Variants in SOCS2 observed in about 807,000 individuals in gnomAD.
SOCS2 encodes suppressor of cytokine signaling 2.
A neutral mutation model predicts 18.6 loss-of-function variants in SOCS2; 10 were observed. The ratio of observed to expected loss-of-function variants is 0.54; its 90% CI spans 0.33 to 0.91. SOCS2 has a LOEUF of 0.91. Ranked by LOEUF, SOCS2 falls within the 40% of genes least tolerant of loss-of-function variation. The pLI, the probability that SOCS2 is intolerant of heterozygous loss-of-function variation, is 0.02. For missense variants in SOCS2, 231 were observed against 247.2 expected (o/e 0.93, Z 0.44); for synonymous variants, 104 against 104.0 (o/e 1.00, Z 0.00).
At chr12:93,572,297 T>C, upstream of SOCS2, 1 of 183,016 alleles carries the variant, frequency 5.5e-6, no homozygotes, top group Non-Finnish European at 1.1e-5. This position sits in a 1 kb window ranked among gnomAD's most constrained non-coding sequence, Gnocchi z 5.0. Context: ...AATGCCAATT[T>C]GGGGAATCTC....
chr12:93,574,735 A>G lies in SOCS2; in HGVS notation c.153A>G (p.Gly51=), dbSNP rs771691402. ...CAAAAACCCCAGGATGGTACTGGGG[A>G]AGTATGACTGTTAATGAAGCCAAAG... The part of the protein sequence containing the change: ...RELGQTGWYW[G]SMTVNEAKEK... Residue 51 remains glycine (G), a synonymous_variant, in exon 2 of 2, where the codon GGA becomes GGG. Transcript: ENST00000551556. 3 of 1,611,182 alleles carry G rather than the reference A, an allele frequency of 1.9e-6. No individual in the cohort carries two copies. Among genetic ancestry groups the G allele is most frequent in the Non-Finnish European group, 2.5e-6 (3 of 1,178,550 alleles).
chr12:93,610,083 C>T, the SOCS2 span, among the ~76,000 whole-genome samples: 38,156 of 152,126 alleles, frequency 0.25, 9,292 homozygotes, highest in African/African-American at 0.63. Context: ...CCAACACAGT[C>T]GCACTGAGGA....
the SOCS2 span, among the ~76,000 whole-genome samples, chr12:93,618,356 GT>G: frequency 6.6e-6 from 1 of 152,172 alleles, no homozygotes; most frequent in Non-Finnish European, 1.5e-5. Flanking sequence ...GAAGATGATA[GT>G]TTTTAAATAT....
At chr12:93,621,655 T>A in the SOCS2 span, among the ~76,000 whole-genome samples, 1,172 of 149,964 alleles carry the variant, frequency 7.8e-3, 15 homozygotes, top group African/African-American at 0.027. Context: ...TAAAAAAAAA[T>A]TTTTTTTTTG....
At chr12:93,585,363 T>G (rs1238329018), downstream of SOCS2, among the ~76,000 whole-genome samples, 1 of 152,176 alleles carries the variant, frequency 6.6e-6, no homozygotes, top group Non-Finnish European at 1.5e-5. Context: ...GGTGCTGAGC[T>G]GATGGGCAAG....
chr12:93,614,535 C>T, the SOCS2 span, among the ~76,000 whole-genome samples: 56 of 88,372 alleles, frequency 6.3e-4, 1 homozygote, highest in African/African-American at 2.1e-3. Context: ...TTCCTTCCTT[C>T]CTTCCTTCTT....
At chr12:93,572,470 C>T (rs376033942), upstream of SOCS2, 44 of 365,820 alleles carry the variant, frequency 1.2e-4, no homozygotes, top group South Asian at 9.1e-4. This position sits in a 1 kb window ranked among gnomAD's most constrained non-coding sequence, Gnocchi z 5.0. Flanking sequence ...TGACCTCCGC[C>T]CCCCACCTCT....
chr12:93,595,036 A>AC, the SOCS2 span, among the ~76,000 whole-genome samples: 27 of 152,276 alleles, frequency 1.8e-4, no homozygotes, highest in Admixed American at 5.2e-4. Context: ...TGGGTATTAC[A>AC]CTTAGATTTA....
the SOCS2 span, among the ~76,000 whole-genome samples, chr12:93,602,164 C>T: frequency 0.011 from 1,623 of 152,320 alleles, 20 homozygotes; most frequent in South Asian, 0.046. Context: ...GCGATCACAG[C>T]TGCCTGAAGC....
chr12:93,611,394 C>T, the SOCS2 span, among the ~76,000 whole-genome samples: 9 of 152,138 alleles, frequency 5.9e-5, no homozygotes, highest in South Asian at 6.2e-4. Flanking sequence ...TGTGCCACCA[C>T]GCCCGGCTAA....
At chr12:93,625,107 C>T in the SOCS2 span, among the ~76,000 whole-genome samples, 1 of 152,180 alleles carries the variant, frequency 6.6e-6, no homozygotes, top group East Asian at 1.9e-4. Context: ...TTCGCATTTG[C>T]TCTTACTGGT....
At chr12:93,614,532 CTTCCTTCCTTCT>C in the SOCS2 span, among the ~76,000 whole-genome samples, 1 of 74,748 alleles carries the variant, frequency 1.3e-5, no homozygotes, top group Non-Finnish European at 2.2e-5. Flanking sequence ...TCCTTCCTTC[CTTCCTTCCTTCT>C]TTCTTTCTTT....
the SOCS2 span, among the ~76,000 whole-genome samples, chr12:93,597,274 TCCTAAC>T: frequency 6.6e-6 from 1 of 152,196 alleles, no homozygotes; most frequent in South Asian, 2.1e-4. Context: ...ACTCCCACAT[TCCTAAC>T]CCTTTGCAGC....
chr12:93,621,303 C>T, the SOCS2 span, among the ~76,000 whole-genome samples: 1 of 151,912 alleles, frequency 6.6e-6, no homozygotes, highest in African/African-American at 2.4e-5. Flanking sequence ...CCTCAAAGCA[C>T]CTGAGGGGAT....
chr12:93,614,624 T>TTTC, the SOCS2 span, among the ~76,000 whole-genome samples: 56 of 119,780 alleles, frequency 4.7e-4, no homozygotes, highest in Non-Finnish European at 8.7e-4. Flanking sequence ...TCTTTCTTTC[T>TTTC]TTCTTTCTTT....
chr12:93,579,120 A>G (rs575520353), downstream of SOCS2, among the ~76,000 whole-genome samples: 16 of 152,332 alleles, frequency 1.1e-4, no homozygotes, highest in African/African-American at 3.8e-4. Context: ...GATGTGACAC[A>G]CACCCAGCCA....
At chr12:93,590,474 G>C in the SOCS2 span, among the ~76,000 whole-genome samples, 1 of 151,816 alleles carries the variant, frequency 6.6e-6, no homozygotes, top group African/African-American at 2.4e-5. Context: ...GGAGAGGAGA[G>C]CAGAGTTTAG....
At chr12:93,614,544 TTTC>T in the SOCS2 span, among the ~76,000 whole-genome samples, 1 of 24,258 alleles carries the variant, frequency 4.1e-5, no homozygotes, top group African/African-American at 2.6e-4. Flanking sequence ...TCCTTCCTTC[TTTC>T]TTTCTTTCTT....
chr12:93,624,906 T>G, the SOCS2 span, among the ~76,000 whole-genome samples: 1 of 152,346 alleles, frequency 6.6e-6, no homozygotes, highest in Non-Finnish European at 1.5e-5. Flanking sequence ...CTTGGGTTAA[T>G]AGCTAAATAT....
Sources: allele counts gnomAD v4.1 joint callset (sites outside exome capture counted in the v4.1 genomes callset), GRCh38; gene constraint gnomAD v4.1.1; non-coding constraint Gnocchi (gnomAD v3.1); transcripts MANE v1.5; gene names NCBI Gene and HGNC (gene_info 2026-07-23, HGNC 2026-07-21).